FER: variants seen among roughly 807,000 people sequenced by gnomAD.
FER encodes FER tyrosine kinase.
In FER, 63 loss-of-function variants were observed where a neutral mutation model predicts 111.0. The ratio of observed to expected loss-of-function variants is 0.57; its 90% CI spans 0.46 to 0.70. FER has a LOEUF of 0.70. Among genes scored for constraint, FER ranks in the 30% least tolerant of loss-of-function variants. FER has a pLI of 0.00. For missense variants in FER, 914 were observed against 954.0 expected (o/e 0.96, Z 0.55); for synonymous variants, 327 against 313.9 (o/e 1.04, Z -0.44).
chr5:108,762,097 T>G (rs1473658689), intron 1 of FER, among the ~76,000 whole-genome samples: 1 of 152,078 alleles, frequency 6.6e-6, no homozygotes, highest in African/African-American at 2.4e-5. Context: ...GTATTTTTAA[T>G]GCAGACAGGG....
At chr5:109,071,255 A>C (rs1480401154) in intron 16 of FER, among the ~76,000 whole-genome samples, 7 of 151,922 alleles carry the variant, frequency 4.6e-5, no homozygotes, top group African/African-American at 1.7e-4. Flanking sequence ...GTTTTTCATC[A>C]TCTTTGACAG....
intron 17 of FER, among the ~76,000 whole-genome samples, chr5:109,134,706 T>C (rs1752711178): frequency 6.6e-6 from 1 of 152,084 alleles, no homozygotes; most frequent in South Asian, 2.1e-4. Flanking sequence ...ATATAGTCTC[T>C]CTCCTGGATG....
chr5:109,122,821 C>T (rs1490891483), intron 17 of FER, among the ~76,000 whole-genome samples: 2 of 152,088 alleles, frequency 1.3e-5, no homozygotes, highest in African/African-American at 2.4e-5. Flanking sequence ...ATATAATGAC[C>T]TTCTTTGTCT....
intron 2 of FER, among the ~76,000 whole-genome samples, chr5:108,797,162 T>C (rs1269863704): frequency 6.6e-6 from 1 of 151,974 alleles, no homozygotes; most frequent in Non-Finnish European, 1.5e-5. Flanking sequence ...TTTAGAAATG[T>C]CATTCAGGAG....
chr5:108,751,461 C>T (rs540979159), intron 1 of FER, among the ~76,000 whole-genome samples: 199 of 152,246 alleles, frequency 1.3e-3, no homozygotes, highest in African/African-American at 4.3e-3. Context: ...AAAAGGAAAT[C>T]TGATGAACTT....
chr5:109,080,183 CTG>C (rs1776831710), intron 16 of FER, among the ~76,000 whole-genome samples: 1 of 152,006 alleles, frequency 6.6e-6, no homozygotes, highest in Non-Finnish European at 1.5e-5. Flanking sequence ...AAGAAATAAT[CTG>C]TGATAACTTG....
Position 108,871,446 on chromosome 5 carries a change from G to T in FER, c.747G>T (p.Met249Ile). 1 of 1,611,696 alleles carries T rather than the reference G, an allele frequency of 6.2e-7. No homozygotes were observed. The highest frequency in any genetic ancestry group is 1.1e-5 in the South Asian group (1 of 90,944). The stretch of plus-strand genomic sequence containing the variant: ...TGAATGTCCATAAAGAGATTCAAAT[G>T]TCGGTTGAACAGATAGATCCTAGTA... ...EIVNVHKEIQMSVEQIDPSTE... is the reference protein window; with the variant it reads ...EIVNVHKEIQISVEQIDPSTE... The change falls in exon 7 of 20, where the codon ATG becomes ATT. Residue 249 changes from methionine to isoleucine, a missense_variant. Met to Ile is a conservative substitution (Grantham distance 10, BLOSUM62 1). Coordinates refer to ENST00000281092, the MANE Select transcript of FER (RefSeq NM_005246.4).
intron 17 of FER, among the ~76,000 whole-genome samples, chr5:109,113,118 C>G (rs576181908): frequency 6.6e-6 from 1 of 152,184 alleles, no homozygotes; most frequent in East Asian, 1.9e-4. Flanking sequence ...AAACTAGAAC[C>G]AACCTGATGA....
intron 13 of FER, among the ~76,000 whole-genome samples, chr5:109,034,768 G>A (rs1417070945): frequency 6.6e-6 from 1 of 151,980 alleles, no homozygotes; most frequent in Admixed American, 6.6e-5. Context: ...GGTTATCATT[G>A]TCTAAAGTGG....
intron 17 of FER, among the ~76,000 whole-genome samples, chr5:109,155,708 C>T (rs1755296367): frequency 6.6e-6 from 1 of 151,944 alleles, no homozygotes; most frequent in South Asian, 2.1e-4. Flanking sequence ...CTTGATGATA[C>T]TCTCTTACAC....
Position 108,871,404 on chromosome 5 carries a change from T to C in FER, c.705T>C (p.Leu235=). The C allele has an allele frequency of 1.2e-6, 2 of 1,612,044 alleles. No homozygotes were observed. Among genetic ancestry groups the C allele is most frequent in the Non-Finnish European group, 1.7e-6 (2 of 1,178,656 alleles). The change falls in exon 7 of 20, where the codon CTT becomes CTC. Residue 235 remains leucine, a synonymous_variant. Transcript: ENST00000281092. ...ATGAATACAGCCAGATAACCAGTCT[T>C]GTCACAGAGGAAATAGTGAATGTCC... is the stretch of plus-strand genomic sequence containing the variant. ...IFDEYSQITS[L]VTEEIVNVHK... is the part of the protein sequence containing the mutation.
At chr5:108,928,684 C>T (rs1422177475) in intron 10 of FER, among the ~76,000 whole-genome samples, 3 of 151,872 alleles carry the variant, frequency 2.0e-5, no homozygotes, top group Admixed American at 6.6e-5. Context: ...TATATAGCAT[C>T]TCCCTTGAAA....
At chr5:108,781,722 AG>A (rs1272243323) in intron 2 of FER, among the ~76,000 whole-genome samples, 1 of 152,138 alleles carries the variant, frequency 6.6e-6, no homozygotes, top group Non-Finnish European at 1.5e-5. Flanking sequence ...CCGTCTCCCA[AG>A]GTAAGACAGC....
chr5:109,053,368 G>A (rs1016375960), intron 16 of FER, among the ~76,000 whole-genome samples: 10 of 136,096 alleles, frequency 7.3e-5, no homozygotes, highest in Non-Finnish European at 1.2e-4. Context: ...CAGCGAAAGA[G>A]TGAGACTCCG....
intron 10 of FER, among the ~76,000 whole-genome samples, chr5:108,928,011 A>G (rs551431189): frequency 6.6e-6 from 1 of 152,226 alleles, no homozygotes; most frequent in Non-Finnish European, 1.5e-5. Context: ...ATCTAGGTTA[A>G]TTTTAGACAT....
intron 13 of FER, among the ~76,000 whole-genome samples, chr5:109,023,604 T>C (rs1768242231): frequency 1.3e-5 from 2 of 152,164 alleles, no homozygotes; most frequent in African/African-American, 4.8e-5. Context: ...AATGGTTCCC[T>C]TATGTCCATT....
At position 108,796,600 on chromosome 5, in the gene FER, C is replaced by T. The variant is rs116269916; in HGVS notation, c.-59-1524C>T. Reference sequence around the variant, plus strand: ...TCAAGCCATGAGACAAAGTCTTTCCCGCTCTTCCCTCTCCTTTCCTCAAGT... The same window carrying T: ...TCAAGCCATGAGACAAAGTCTTTCCTGCTCTTCCCTCTCCTTTCCTCAAGT... On this transcript the variant is annotated intron_variant, in intron 2 of 19. Coordinates refer to ENST00000281092, the MANE Select transcript of FER (RefSeq NM_005246.4). 5.3e-3 allele frequency among the ~76,000 whole-genome samples: 800 copies of T among 152,182 alleles called. 8 individuals are homozygous for T. Among genetic ancestry groups the T allele is most frequent in the African/African-American group, 0.018 (728 of 41,534 alleles).
At chr5:109,152,425 C>T (rs1754948255) in intron 17 of FER, among the ~76,000 whole-genome samples, 1 of 151,778 alleles carries the variant, frequency 6.6e-6, no homozygotes, top group African/African-American at 2.4e-5. Context: ...TTCAAAAAGA[C>T]AACATAAGGC....
intron 10 of FER, among the ~76,000 whole-genome samples, chr5:108,930,343 TCCC>T (rs1754382577): frequency 1.9e-5 from 1 of 52,790 alleles, no homozygotes; most frequent in Non-Finnish European, 3.5e-5. Context: ...TCCCCTCCCC[TCCC>T]CGCCTCCCCT....
Sources: allele counts gnomAD v4.1 joint callset (sites outside exome capture counted in the v4.1 genomes callset), GRCh38; gene constraint gnomAD v4.1.1; transcripts MANE v1.5; gene names NCBI Gene and HGNC (gene_info 2026-07-23, HGNC 2026-07-21).